Variants in ZFP62 observed in about 807,000 individuals in gnomAD.
ZFP62 encodes ZFP62 zinc finger protein, also known as zinc finger protein 62 homolog.
In ZFP62, 44 loss-of-function variants were observed where a neutral mutation model predicts 56.4. The ratio of observed to expected loss-of-function variants is 0.78; its 90% CI spans 0.61 to 1.00. The LOEUF is 1.00. ZFP62 is among the 50% of genes least tolerant of loss of function. The pLI is 0.00. For missense variants in ZFP62, 1,030 were observed against 1,085.7 expected, an observed-to-expected ratio of 0.95 and a Z score of 0.72; for synonymous variants, 421 against 388.9, an observed-to-expected ratio of 1.08 and a Z score of -0.97.
the ZFP62 span, among the ~76,000 whole-genome samples, chr5:180,827,262 C>T: frequency 6.6e-6 from 1 of 152,116 alleles, no homozygotes; most frequent in African/African-American, 2.4e-5. Flanking sequence ...GGAAGCTGGG[C>T]ACGTGCTGTG....
intron 1 of ZFP62, among the ~76,000 whole-genome samples, chr5:180,854,478 C>G (rs2619761): frequency 0.69 from 104,705 of 152,172 alleles, 37,959 homozygotes; most frequent in East Asian, 0.96. Flanking sequence ...AGAGTAAAGA[C>G]TGGATCAGGA....
chr5:180,836,543 T>C, the ZFP62 span, among the ~76,000 whole-genome samples: 1 of 152,212 alleles, frequency 6.6e-6, no homozygotes, highest in Non-Finnish European at 1.5e-5. Flanking sequence ...CATCTTAATT[T>C]GATTACCTTT....
Position 180,848,761 on chromosome 5 carries a change from G to T in ZFP62, c.*31C>A. The T allele has an allele frequency of 6.8e-7, 1 of 1,474,836 alleles. No individual in the cohort carries two copies. The highest frequency in any genetic ancestry group is 1.4e-5 in the South Asian group (1 of 71,246). The allele number at this position is 1,474,836 out of a possible 1,614,324, so 91.4% of individuals were successfully genotyped here. ...CATTCATAAGGTATTTCTTCCATTT[G>T]AGTTCGGAGAGACTTGGTAAGCTCT... On this transcript the variant is annotated 3_prime_UTR_variant, in exon 2 of 2. Transcript: ENST00000502412.
In ZFP62 at chr5:180,847,903, C is replaced by A; in HGVS notation, c.*889G>T. 1.0e-6 allele frequency: 1 copy of A among 985,454 alleles called. No homozygotes were observed. The highest frequency in any genetic ancestry group is 1.2e-6 in the Non-Finnish European group (1 of 829,932). 61.0% of individuals were successfully genotyped at this position (985,454 alleles called of 1,614,324 possible). A position where few individuals can be genotyped will look rare whatever the true frequency, so the allele number is the denominator to read the frequency against. The stretch of plus-strand genomic sequence containing the variant: ...TCTCAGCATTTCTATTCATAGGAAT[C>A]CCTGAATCACTTCTGTCATGTAAGG... On this transcript the variant is annotated 3_prime_UTR_variant, in exon 2 of 2. Transcript: ENST00000502412.
At chr5:180,831,547 A>G in the ZFP62 span, 1 of 152,154 alleles carries the variant, frequency 6.6e-6, no homozygotes, top group African/African-American at 2.4e-5. Context: ...GTGTTCTTGT[A>G]AATTAGAACC....
chr5:180,850,085 G>A lies in ZFP62; in HGVS notation c.1410C>T (p.Leu470=). 1 of 1,551,822 alleles carries A rather than the reference G, an allele frequency of 6.4e-7. No individual in the cohort carries two copies. The highest frequency in any genetic ancestry group is 1.4e-5 in the African/African-American group (1 of 73,144). The change falls in exon 2 of 2, where the codon CTC becomes CTT. Residue 470 remains leucine, a synonymous_variant. Coordinates refer to ENST00000502412, the MANE Select transcript of ZFP62 (RefSeq NM_001172638.2). ...ACTTATATGGTTTTTCCCCAGTATG[G>A]AGCCTCCTGTGGACTTTGAGGCCTG... The part of the protein sequence containing the change: ...NNAGLKVHRR[L]HTGEKPYKCD...
chr5:180,847,438 A>G (rs575355933), downstream of ZFP62, among the ~76,000 whole-genome samples: 1 of 152,272 alleles, frequency 6.6e-6, no homozygotes, highest in South Asian at 2.1e-4. Flanking sequence ...CTCAAAATCT[A>G]TCCTGTGCTC....
the ZFP62 span, among the ~76,000 whole-genome samples, chr5:180,839,813 TC>T: frequency 6.6e-6 from 1 of 152,216 alleles, no homozygotes; most frequent in African/African-American, 2.4e-5. Flanking sequence ...AAATAAGTGT[TC>T]CAGATCTGCT....
Position 180,847,945 on chromosome 5 carries a change from C to A in ZFP62, c.*847G>T. On this transcript the variant is annotated 3_prime_UTR_variant, in exon 2 of 2. Coordinates refer to ENST00000502412, the MANE Select transcript of ZFP62 (RefSeq NM_001172638.2). ...CATGTAAGGTGCGAATTCATGTTGA[C>A]GGTGTGTTCCATTAGTTACTGAATG... The A allele has an allele frequency of 7.1e-6, 7 of 985,414 alleles. No individual in the cohort carries two copies. Among genetic ancestry groups the A allele is most frequent in the Non-Finnish European group, 8.4e-6 (7 of 829,922 alleles). The allele number at this position is 985,414 out of a possible 1,614,324, so 61.0% of individuals were successfully genotyped here.
At chr5:180,855,532 C>T (rs1213407683) in intron 1 of ZFP62, among the ~76,000 whole-genome samples, 2 of 152,122 alleles carry the variant, frequency 1.3e-5, no homozygotes, top group Non-Finnish European at 2.9e-5. Context: ...TCCACATATT[C>T]CCCTGGGAGC....
At chr5:180,837,477 G>C in the ZFP62 span, among the ~76,000 whole-genome samples, 1 of 152,172 alleles carries the variant, frequency 6.6e-6, no homozygotes. Context: ...GACAGATGTC[G>C]GCAGTGAGGG....
chr5:180,852,241 C>T (rs184590767), intron 1 of ZFP62, among the ~76,000 whole-genome samples: 2 of 152,106 alleles, frequency 1.3e-5, no homozygotes, highest in African/African-American at 4.8e-5. Flanking sequence ...AGTGTTGTAA[C>T]AACTATGAAG....
chr5:180,842,380 G>A, the ZFP62 span, among the ~76,000 whole-genome samples: 7 of 152,146 alleles, frequency 4.6e-5, no homozygotes, highest in African/African-American at 2.4e-5. Flanking sequence ...TAAAAGCCCA[G>A]AGTATACAAA....
At chr5:180,852,286 A>G (rs533362670) in intron 1 of ZFP62, among the ~76,000 whole-genome samples, 1 of 152,300 alleles carries the variant, frequency 6.6e-6, no homozygotes, top group Non-Finnish European at 1.5e-5. Context: ...GGCTGGGTGC[A>G]GTGGCTCACA....
At chr5:180,837,436 G>C in the ZFP62 span, among the ~76,000 whole-genome samples, 1 of 152,180 alleles carries the variant, frequency 6.6e-6, no homozygotes, top group Admixed American at 6.5e-5. Flanking sequence ...GAAGAGTGTG[G>C]CACCTCACAC....
Position 180,851,512 on chromosome 5 carries a change from A to C in ZFP62, c.2-19T>G. 1 of 1,509,316 alleles carries C rather than the reference A, an allele frequency of 6.6e-7. No individual in the cohort carries two copies. Among genetic ancestry groups the C allele is most frequent in the Non-Finnish European group, 8.8e-7 (1 of 1,129,944 alleles). The allele number at this position is 1,509,316 out of a possible 1,614,324, so 93.5% of individuals were successfully genotyped here. A position where few individuals can be genotyped will look rare whatever the true frequency, so the allele number is the denominator to read the frequency against. Reference sequence around the variant, plus strand: ...TGTGACACTAAACCAAGAAAATGAAAAGGACACCTATTCACTCTCTTAAAA... The same window carrying C: ...TGTGACACTAAACCAAGAAAATGAACAGGACACCTATTCACTCTCTTAAAA... On this transcript the variant is annotated intron_variant, in intron 1 of 1. Coordinates refer to ENST00000502412, the MANE Select transcript of ZFP62 (RefSeq NM_001172638.2).
At chr5:180,857,495 GTTT>G (rs1022446170) in intron 1 of ZFP62, among the ~76,000 whole-genome samples, 1 of 151,270 alleles carries the variant, frequency 6.6e-6, no homozygotes, top group African/African-American at 2.4e-5. Flanking sequence ...TAGAACTTTT[GTTT>G]TTTTTTTGTT....
At chr5:180,839,779 A>C in the ZFP62 span, among the ~76,000 whole-genome samples, 1 of 152,192 alleles carries the variant, frequency 6.6e-6, no homozygotes. Flanking sequence ...TAAATAAAAA[A>C]TAAAATGGTT....
chr5:180,840,786 A>G, the ZFP62 span, among the ~76,000 whole-genome samples: 1 of 75,726 alleles, frequency 1.3e-5, no homozygotes, highest in Admixed American at 1.6e-4. Flanking sequence ...TAGCTAAAAC[A>G]ATTTGTGTGT....
Sources: gnomAD v4.1 joint callset for allele counts (sites outside exome capture counted in the v4.1 genomes callset) on GRCh38, gnomAD v4.1.1 for gene constraint, MANE v1.5 for transcripts, NCBI Gene and HGNC (gene_info 2026-07-23, HGNC 2026-07-21) for gene names.